The following BORCS5 variants were observed in gnomAD, a reference collection of about 807,000 sequenced individuals.
The protein encoded by BORCS5 is BLOC-1 related complex subunit 5, also known as BLOC-1-related complex subunit 5.
In BORCS5, 17 loss-of-function variants were observed where a neutral mutation model predicts 22.1. The ratio of observed to expected loss-of-function variants is 0.77; its 90% confidence interval spans 0.53 to 1.15. BORCS5 has a LOEUF of 1.15. Among genes scored for constraint, BORCS5 ranks in the 50% most tolerant of loss-of-function variants. The pLI is 0.00. For synonymous variants in BORCS5, 117 were observed against 99.8 expected (o/e 1.17, Z -1.03); for missense variants, 247 against 253.2 (o/e 0.98, Z 0.17).
At chr12:12,434,379 G>A (rs1176209331) in intron 2 of BORCS5, among the ~76,000 whole-genome samples, 1 of 151,796 alleles carries the variant, frequency 6.6e-6, no homozygotes, top group Non-Finnish European at 1.5e-5. Context: ...TGGCTCTGCT[G>A]TGAGACAGAA....
At chr12:12,446,457 C>T (rs994173850) in intron 3 of BORCS5, among the ~76,000 whole-genome samples, 4 of 152,160 alleles carry the variant, frequency 2.6e-5, no homozygotes, top group African/African-American at 9.7e-5. Flanking sequence ...ACCCCAAATC[C>T]CAAGATTCTG....
intron 3 of BORCS5, among the ~76,000 whole-genome samples, chr12:12,438,385 A>AAAAAATACAAC (rs1555156048): frequency 7.9e-6 from 1 of 126,148 alleles, no homozygotes; most frequent in African/African-American, 3.3e-5. Context: ...AAAAAACGAA[A>AAAAAATACAAC]AACAACAACA....
At position 12,357,485 on chromosome 12, in the gene BORCS5, C is replaced by A. The variant is rs1261388187; in HGVS notation, c.34C>A (p.Arg12=). 4 of 1,611,100 alleles carry A rather than the reference C, an allele frequency of 2.5e-6. No individual in the cohort carries two copies. Among genetic ancestry groups the A allele is most frequent in the African/African-American group, 1.3e-5 (1 of 74,848 alleles). ...GSEQSSEAES[R]PNDLNSSVTP... is the part of the protein sequence containing the mutation. The stretch of plus-strand genomic sequence containing the variant: ...TGAGCAGAGCTCCGAGGCCGAGAGC[C>A]GACCCAACGATCTGAACTCCTCAGG... Residue 12 remains arginine, a synonymous_variant, in exon 1 of 4, where the codon CGA becomes AGA. Coordinates refer to ENST00000314565, the MANE Select transcript of BORCS5 (RefSeq NM_058169.6).
chr12:12,395,435 ATTTTT>A (rs59277387), intron 2 of BORCS5, among the ~76,000 whole-genome samples: 3 of 107,856 alleles, frequency 2.8e-5, no homozygotes, highest in African/African-American at 1.2e-4. Context: ...CACCCAGCTA[ATTTTT>A]TTTTTTTTTT....
intron 2 of BORCS5, among the ~76,000 whole-genome samples, chr12:12,399,339 T>TA (rs1319913543): frequency 1.3e-5 from 2 of 152,186 alleles, no homozygotes; most frequent in Non-Finnish European, 2.9e-5. Context: ...AAGGGTTTCT[T>TA]ACGTAGCCCA....
At position 12,412,703 on chromosome 12, in the gene BORCS5, TAGAG is replaced by T. The variant is rs144678192; in HGVS notation, c.203-22924_203-22921del. Among the ~76,000 whole-genome samples, 4 of 152,270 alleles carry T rather than the reference TAGAG, an allele frequency of 2.6e-5. No individual in the cohort carries two copies. The East Asian group carries it at 7.7e-4, about 29-fold the overall frequency. ...GGCATCCTTGCTTTATTCCTGATCT[TAGAG>T]GGAAAGCTTTCAGGTCATCACCATT... On this transcript the variant is annotated intron_variant, in intron 2 of 3. Transcript: ENST00000314565.
intron 3 of BORCS5, among the ~76,000 whole-genome samples, chr12:12,447,067 T>G (rs1942803644): frequency 6.6e-6 from 1 of 152,226 alleles, no homozygotes; most frequent in African/African-American, 2.4e-5. Context: ...TTCCCCTTTC[T>G]ACCTGGAAGT....
intron 2 of BORCS5, among the ~76,000 whole-genome samples, chr12:12,370,074 C>T (rs145444593): frequency 7.4e-5 from 11 of 147,932 alleles, no homozygotes; most frequent in South Asian, 2.2e-4. Context: ...CATCTACATA[C>T]GTTAGAAATC....
intron 3 of BORCS5, among the ~76,000 whole-genome samples, chr12:12,439,852 T>C (rs1280731902): frequency 3.3e-5 from 5 of 152,194 alleles, no homozygotes; most frequent in Non-Finnish European, 7.3e-5. Flanking sequence ...TCCTGAATCA[T>C]ATCCGTCCGT....
chr12:12,427,443 G>A (rs1942317259), intron 2 of BORCS5, among the ~76,000 whole-genome samples: 2 of 152,138 alleles, frequency 1.3e-5, no homozygotes, highest in African/African-American at 4.8e-5. Flanking sequence ...GCCTCCCAAA[G>A]TGCTGGGATT....
chr12:12,461,184 C>T (rs1943097523), intron 3 of BORCS5, among the ~76,000 whole-genome samples: 2 of 149,032 alleles, frequency 1.3e-5, no homozygotes, highest in African/African-American at 4.9e-5. Context: ...TTTTTTCCCC[C>T]TGGGATAGGG....
chr12:12,428,909 C>G (rs1942354513), intron 2 of BORCS5, among the ~76,000 whole-genome samples: 1 of 152,070 alleles, frequency 6.6e-6, no homozygotes, highest in African/African-American at 2.4e-5. Flanking sequence ...GTGTAAAAAA[C>G]ATTTATAAAA....
At chr12:12,400,107 G>A (rs1249527308) in intron 2 of BORCS5, among the ~76,000 whole-genome samples, 1 of 152,228 alleles carries the variant, frequency 6.6e-6, no homozygotes, top group Non-Finnish European at 1.5e-5. Context: ...GCTGAATTAA[G>A]TTGAAGAATG....
intron 2 of BORCS5, among the ~76,000 whole-genome samples, chr12:12,395,048 A>G (rs1159467320): frequency 1.3e-5 from 2 of 151,902 alleles, no homozygotes; most frequent in Non-Finnish European, 2.9e-5. Flanking sequence ...TATAGAGAGG[A>G]ATGATTAATT....
chr12:12,423,931 C>G (rs1292448892), intron 2 of BORCS5, among the ~76,000 whole-genome samples: 2 of 152,210 alleles, frequency 1.3e-5, no homozygotes, highest in Non-Finnish European at 1.5e-5. Flanking sequence ...CTCAAGTGAT[C>G]TGCCCACCTT....
intron 2 of BORCS5, among the ~76,000 whole-genome samples, chr12:12,408,235 A>G (rs1312917213): frequency 6.6e-6 from 1 of 152,174 alleles, no homozygotes; most frequent in East Asian, 1.9e-4. Context: ...TACTTTGGCC[A>G]TTGTGAATAA....
At chr12:12,404,437 T>C (rs1357023125) in intron 2 of BORCS5, among the ~76,000 whole-genome samples, 1 of 152,124 alleles carries the variant, frequency 6.6e-6, no homozygotes, top group Non-Finnish European at 1.5e-5. Flanking sequence ...AGAAGGAGAA[T>C]GGGCAAAAAA....
chr12:12,363,347 C>G (rs1223321732), intron 2 of BORCS5, among the ~76,000 whole-genome samples: 1 of 150,754 alleles, frequency 6.6e-6, no homozygotes, highest in Non-Finnish European at 1.5e-5. Flanking sequence ...TGCCTATAAT[C>G]CCAGCACTTT....
intron 3 of BORCS5, among the ~76,000 whole-genome samples, chr12:12,443,387 C>G (rs1311176662): frequency 6.6e-6 from 1 of 152,228 alleles, no homozygotes; most frequent in Non-Finnish European, 1.5e-5. Flanking sequence ...CAGGTTGAAA[C>G]CTTACAGTGT....
Sources: gnomAD v4.1 joint callset for allele counts (sites outside exome capture counted in the v4.1 genomes callset) on GRCh38, gnomAD v4.1.1 for gene constraint, MANE v1.5 for transcripts, NCBI Gene and HGNC (gene_info 2026-07-23, HGNC 2026-07-21) for gene names.